Variants in CUX1 observed in about 807,000 individuals in gnomAD.
CUX1 encodes the protein cut like homeobox 1.
A neutral mutation model predicts 158.8 loss-of-function variants in CUX1; 31 were observed. That is an observed-to-expected ratio of 0.20 (90% CI 0.15 to 0.26). The LOEUF (loss-of-function observed/expected upper bound fraction) is 0.26. CUX1 is among the 10% of genes least tolerant of loss of function. The probability of loss-of-function intolerance (pLI) is 1.00; values close to 1 mark genes in which losing one functional copy is unlikely to be tolerated. For synonymous variants in CUX1, 879 were observed against 862.1 expected (o/e 1.02, Z -0.34); for missense variants, 1,589 against 2,014.6 (o/e 0.79, Z 4.04).
At chr7:102,145,608 G>A (rs1236557158) in intron 8 of CUX1, among the ~76,000 whole-genome samples, 1 of 151,960 alleles carries the variant, frequency 6.6e-6, no homozygotes, top group Non-Finnish European at 1.5e-5. Flanking sequence ...CTCCTGTATA[G>A]GTGACTGTCC....
chr7:102,228,525 TG>T (rs1798585507), intron 21 of CUX1, among the ~76,000 whole-genome samples: 1 of 152,102 alleles, frequency 6.6e-6, no homozygotes, highest in Admixed American at 6.6e-5. Flanking sequence ...CCGGGCATAG[TG>T]GCTCATGCCT....
At chr7:102,011,371 C>T (rs1817995335) in intron 2 of CUX1, among the ~76,000 whole-genome samples, 1 of 151,906 alleles carries the variant, frequency 6.6e-6, no homozygotes, top group Non-Finnish European at 1.5e-5. Flanking sequence ...ACCACCAATG[C>T]GTTTCTCTTC....
intron 23 of CUX1, among the ~76,000 whole-genome samples, chr7:102,242,587 G>GAAT (rs1800341393): frequency 1.3e-5 from 2 of 152,222 alleles, no homozygotes; most frequent in Admixed American, 6.5e-5. Context: ...TAGGGCATGT[G>GAAT]TGATAACGCT....
Position 102,255,280 on chromosome 7 carries a change from C to CG in CUX1, c.*6238_*6239insG. 1 of 984,742 alleles carries CG rather than the reference C, an allele frequency of 1.0e-6. No homozygotes were observed. Among genetic ancestry groups the CG allele is most frequent in the South Asian group, 4.7e-5 (1 of 21,242 alleles). The allele number at this position is 984,742 out of a possible 1,614,324, so 61.0% of individuals were successfully genotyped here. A position where few individuals can be genotyped will look rare whatever the true frequency, so the allele number is the denominator to read the frequency against. On this transcript the variant is annotated 3_prime_UTR_variant, in exon 24 of 24. Coordinates refer to ENST00000292535, the MANE Select transcript of CUX1 (RefSeq NM_181552.4). ...CATCCGTGGCATCATCTCGAGTTTT[C>CG]ATTTTTGGATGAAGTGACATTTAGC...
chr7:101,984,723 C>T (rs1414638136), intron 2 of CUX1, among the ~76,000 whole-genome samples: 1 of 152,132 alleles, frequency 6.6e-6, no homozygotes, highest in East Asian at 1.9e-4. Context: ...GGCTGGCGTT[C>T]GCAAAACTCA....
At chr7:102,269,572 A>ATTTTTTTTTTTTTTTTTTTT (rs71123030) in intron 14 of CUX1, among the ~76,000 whole-genome samples, 2 of 107,804 alleles carry the variant, frequency 1.9e-5, no homozygotes, top group African/African-American at 3.9e-5. Flanking sequence ...TGCCCGGCTA[A>ATTTTTTTTTTTTTTTTTTTT]TTTTTTTTTT....
chr7:102,114,434 G>C (rs1242715566), intron 7 of CUX1, among the ~76,000 whole-genome samples: 1 of 152,122 alleles, frequency 6.6e-6, no homozygotes, highest in Non-Finnish European at 1.5e-5. Context: ...GCGCCACCAT[G>C]CTTGGCTAAT....
intron 1 of CUX1, among the ~76,000 whole-genome samples, chr7:101,864,633 C>T (rs958216986): frequency 6.6e-6 from 1 of 152,102 alleles, no homozygotes; most frequent in Non-Finnish European, 1.5e-5. Context: ...TCACTGCAAC[C>T]TCTGCCTCCT....
At chr7:102,237,803 G>A (rs1414240340) in intron 22 of CUX1, among the ~76,000 whole-genome samples, 2 of 152,214 alleles carry the variant, frequency 1.3e-5, no homozygotes, top group African/African-American at 4.8e-5. Flanking sequence ...CCAAATGCCA[G>A]GCTGCACTGA....
At chr7:102,158,468 TCCCGAG>T in intron 8 of CUX1, 86 bp from the exon 9 acceptor site, 1 of 1,326,638 alleles carries the variant, frequency 7.5e-7, no homozygotes. Flanking sequence ...GCACAGCCCT[TCCCGAG>T]CCCTGAGCTA....
chr7:102,280,736 C>T, intron 19 of CUX1: 1 of 1,529,034 alleles, frequency 6.5e-7, no homozygotes, highest in Non-Finnish European at 9.0e-7. Context: ...CCAGGCCCTG[C>T]TCTCTGCCAC....
intron 2 of CUX1, among the ~76,000 whole-genome samples, chr7:101,963,285 C>T (rs1810735489): frequency 6.6e-6 from 1 of 152,174 alleles, no homozygotes; most frequent in African/African-American, 2.4e-5. Context: ...GTTTTCTGCT[C>T]ATTGGGTGGG....
chr7:101,847,579 A>G (rs1795827903), intron 1 of CUX1, among the ~76,000 whole-genome samples: 1 of 152,128 alleles, frequency 6.6e-6, no homozygotes, highest in South Asian at 2.1e-4. Flanking sequence ...GACTCAACGT[A>G]TGGCAGTGCC....
chr7:102,205,855 GC>G (rs1245176056), intron 20 of CUX1, among the ~76,000 whole-genome samples: 2 of 152,116 alleles, frequency 1.3e-5, no homozygotes, highest in African/African-American at 4.8e-5. Context: ...CTGACCCATG[GC>G]CACGGCTCCC....
At chr7:101,899,724 A>G (rs1003603967) in intron 1 of CUX1, among the ~76,000 whole-genome samples, 3 of 152,150 alleles carry the variant, frequency 2.0e-5, no homozygotes, top group African/African-American at 7.2e-5. Flanking sequence ...AAAACCGGTG[A>G]TGAGAACTTG....
intron 4 of CUX1, among the ~76,000 whole-genome samples, chr7:102,079,265 C>G (rs1554477661): frequency 6.6e-6 from 1 of 152,004 alleles, no homozygotes; most frequent in Admixed American, 6.6e-5. Flanking sequence ...TGGTGAAACC[C>G]CGTCTCTACT....
intron 8 of CUX1, among the ~76,000 whole-genome samples, chr7:102,147,615 T>C (rs982859180): frequency 2.4e-4 from 37 of 152,356 alleles, no homozygotes; most frequent in East Asian, 1.9e-4. Context: ...GCCAAAAGAA[T>C]TCTACCCTTT....
chr7:101,904,856 A>G (rs186637043), intron 1 of CUX1, among the ~76,000 whole-genome samples: 96 of 152,352 alleles, frequency 6.3e-4, no homozygotes, highest in African/African-American at 2.3e-3. Context: ...GGCGTGAGCC[A>G]CTGCGCCTGG....
chr7:101,972,051 C>T (rs973232232), intron 2 of CUX1, among the ~76,000 whole-genome samples: 2 of 152,202 alleles, frequency 1.3e-5, no homozygotes, highest in African/African-American at 4.8e-5. Flanking sequence ...ACTGCAAGCT[C>T]CGCCTCCCGG....
Sources: gnomAD v4.1 joint callset for allele counts (sites outside exome capture counted in the v4.1 genomes callset) on GRCh38, gnomAD v4.1.1 for gene constraint, MANE v1.5 for transcripts, NCBI Gene and HGNC (gene_info 2026-07-23, HGNC 2026-07-21) for gene names.